The following CDH6 variants were observed in gnomAD, a reference collection of about 807,000 sequenced individuals.
CDH6 encodes cadherin-6.
A neutral mutation model predicts 78.0 loss-of-function variants in CDH6; 31 were observed. The ratio of observed to expected loss-of-function variants is 0.40; its 90% CI spans 0.30 to 0.54. CDH6 has a LOEUF of 0.54. Among genes scored for constraint, CDH6 ranks in the 20% least tolerant of loss-of-function variants. The probability of loss-of-function intolerance (pLI) is 0.56; values close to 1 mark genes in which losing one functional copy is unlikely to be tolerated. For synonymous variants in CDH6, 376 were observed against 368.8 expected (o/e 1.02, Z -0.23); for missense variants, 724 against 975.9 (o/e 0.74, Z 3.44).
chr5:31,317,296 C>T (rs1738350770), intron 9 of CDH6, 79 bp from the exon 10 acceptor site: 1 of 725,620 alleles, frequency 1.4e-6, no homozygotes, highest in East Asian at 2.5e-5. Flanking sequence ...ATCATTTTGT[C>T]AAGCAATTTA....
chr5:31,310,125 C>A (rs1738105575), intron 7 of CDH6, among the ~76,000 whole-genome samples: 1 of 152,166 alleles, frequency 6.6e-6, no homozygotes, highest in Non-Finnish European at 1.5e-5. Context: ...TCCTTTCAGT[C>A]TATGAGCCTG....
At chr5:31,292,701 G>T (rs904326549) in intron 2 of CDH6, among the ~76,000 whole-genome samples, 1 of 151,198 alleles carries the variant, frequency 6.6e-6, no homozygotes, top group Non-Finnish European at 1.5e-5. Context: ...AGCACTTTTC[G>T]AAAATTTGCA....
intron 1 of CDH6, among the ~76,000 whole-genome samples, chr5:31,258,030 C>T (rs34617328): frequency 0.26 from 39,276 of 152,000 alleles, 6,101 homozygotes; most frequent in Non-Finnish European, 0.35. Flanking sequence ...AGAAAATGGT[C>T]CCCATCATGG....
At chr5:31,245,899 C>CTTT (rs71612205) in intron 1 of CDH6, among the ~76,000 whole-genome samples, 1,714 of 87,654 alleles carry the variant, frequency 0.02, 1 homozygote, top group Non-Finnish European at 0.022. Flanking sequence ...CTCTCTCTCT[C>CTTT]TTTTTTTTTT....
chr5:31,296,038 G>A (rs1737584467), intron 3 of CDH6, among the ~76,000 whole-genome samples: 1 of 152,150 alleles, frequency 6.6e-6, no homozygotes, highest in African/African-American at 2.4e-5. Flanking sequence ...ACGGTGGGTG[G>A]TCTGTTTTGT....
intron 1 of CDH6, among the ~76,000 whole-genome samples, chr5:31,201,714 G>A (rs2111775438): frequency 6.6e-6 from 1 of 152,254 alleles, no homozygotes. Context: ...TACAATGACT[G>A]ACATCATGTT....
intron 1 of CDH6, among the ~76,000 whole-genome samples, chr5:31,208,789 A>G (rs1452025579): frequency 6.6e-6 from 1 of 152,230 alleles, no homozygotes; most frequent in Non-Finnish European, 1.5e-5. Flanking sequence ...AACCTTGGAA[A>G]TGTTTCTTGA....
At chr5:31,319,005 A>G (rs1738404316) in intron 11 of CDH6, 1 of 205,198 alleles carries the variant, frequency 4.9e-6, no homozygotes, top group Non-Finnish European at 1.0e-5. Flanking sequence ...ATTTTAAGAT[A>G]TGCACATAAA....
In CDH6 at chr5:31,325,311, TACACACACATAC is replaced by T. The variant is rs1220583604; in HGVS notation, c.*2013_*2024del. 7.6e-4 allele frequency: 94 copies of T among 123,762 alleles called. No homozygotes were observed. Among genetic ancestry groups the T allele is most frequent in the African/African-American group, 5.7e-3 (89 of 15,590 alleles). 7.7% of individuals were successfully genotyped at this position (123,762 alleles called of 1,614,324 possible). A position where few individuals can be genotyped will look rare whatever the true frequency, so the allele number is the denominator to read the frequency against. On this transcript the variant is annotated 3_prime_UTR_variant, in exon 12 of 12. Transcript: ENST00000265071. ...AGGGTTTCTTTTTTCTAGTTCTTCATACACACACATACACACACACACACACACACACACACA... is the reference window on the plus strand; with the variant it reads ...AGGGTTTCTTTTTTCTAGTTCTTCATACACACACACACACACACACACACA...
Position 31,305,357 on chromosome 5 carries a change from G to A in CDH6, c.1183G>A (p.Asp395Asn), listed in dbSNP as rs1169141882. 3.7e-6 allele frequency: 6 copies of A among 1,614,018 alleles called. No individual in the cohort carries two copies. The Admixed American group carries it at 1.0e-4, about 27-fold the overall frequency. Residue 395 changes from aspartate to asparagine, a missense_variant, in exon 7 of 12, where the codon GAT becomes AAT. This residue lies in a region of CDH6 where 446 missense variants were observed against 684.5 expected (regional missense o/e 0.65). Transcript: ENST00000265071. Reference sequence around the variant, plus strand: ...GGCCTACATCTTACAAATAAGAGAAGATGCTCAGATAAACACCACAATAGG... The same window carrying A: ...GGCCTACATCTTACAAATAAGAGAAAATGCTCAGATAAACACCACAATAGG... ...KLAYILQIRE[D>N]AQINTTIGSV...
chr5:31,243,716 A>T (rs1231098570), intron 1 of CDH6, among the ~76,000 whole-genome samples: 1 of 152,226 alleles, frequency 6.6e-6, no homozygotes, highest in East Asian at 1.9e-4. Flanking sequence ...TAAGTATGTC[A>T]GACACATCTG....
At chr5:31,211,961 G>A (rs148212324) in intron 1 of CDH6, among the ~76,000 whole-genome samples, 1 of 152,154 alleles carries the variant, frequency 6.6e-6, no homozygotes, top group Non-Finnish European at 1.5e-5. Flanking sequence ...TTAATTAGGA[G>A]ACTAGCTGTA....
intron 1 of CDH6, among the ~76,000 whole-genome samples, chr5:31,202,656 C>A (rs201681932): frequency 8.3e-6 from 1 of 120,966 alleles, no homozygotes; most frequent in Non-Finnish European, 1.9e-5. Context: ...TATATATATA[C>A]ACACACATAT....
chr5:31,303,686 T>C (rs1248089176), intron 6 of CDH6, among the ~76,000 whole-genome samples: 1 of 152,224 alleles, frequency 6.6e-6, no homozygotes, highest in Non-Finnish European at 1.5e-5. Flanking sequence ...TGTAATATTT[T>C]CTCTCTCCTT....
At chr5:31,242,942 C>T (rs1298824396) in intron 1 of CDH6, among the ~76,000 whole-genome samples, 1 of 151,900 alleles carries the variant, frequency 6.6e-6, no homozygotes, top group Non-Finnish European at 1.5e-5. Context: ...AAAATAAGTG[C>T]ACTTCAAGTT....
chr5:31,311,671 C>T (rs1043814266), intron 7 of CDH6, among the ~76,000 whole-genome samples: 1 of 152,162 alleles, frequency 6.6e-6, no homozygotes, highest in Admixed American at 6.5e-5. Flanking sequence ...GGAAGCGTGG[C>T]TAGGAGGCTG....
At chr5:31,262,390 A>G (rs1161962153) in intron 1 of CDH6, among the ~76,000 whole-genome samples, 1 of 152,202 alleles carries the variant, frequency 6.6e-6, no homozygotes, top group African/African-American at 2.4e-5. Context: ...TTGACCACCA[A>G]CCACTTTTGC....
At chr5:31,318,940 T>C in intron 11 of CDH6, 1 of 221,500 alleles carries the variant, frequency 4.5e-6, no homozygotes, top group Non-Finnish European at 9.0e-6. Context: ...ACAGAAGCCT[T>C]GAAACTCAAC....
chr5:31,297,641 G>A (rs1737646307), intron 4 of CDH6, among the ~76,000 whole-genome samples: 1 of 152,066 alleles, frequency 6.6e-6, no homozygotes, highest in Non-Finnish European at 1.5e-5. Flanking sequence ...ATTATGTATT[G>A]CCTTAGTTTT....
Sources: allele counts gnomAD v4.1 joint callset (sites outside exome capture counted in the v4.1 genomes callset), GRCh38; gene constraint gnomAD v4.1.1; regional missense constraint gnomAD v4.1.1; transcripts MANE v1.5; gene names NCBI Gene and HGNC (gene_info 2026-07-23, HGNC 2026-07-21).